Variants in PCDHA3 observed in about 807,000 individuals in gnomAD.
The protein encoded by PCDHA3 is protocadherin alpha-3.
Under a neutral mutation model 62.2 loss-of-function variants are expected in PCDHA3, and 41 were observed. That is an observed-to-expected ratio of 0.66 (90% CI 0.51 to 0.86). The LOEUF is 0.86. PCDHA3 is among the 40% of genes least tolerant of loss of function. The probability of loss-of-function intolerance (pLI) is 0.00; values close to 1 mark genes in which losing one functional copy is unlikely to be tolerated. For synonymous variants in PCDHA3, 640 were observed against 555.4 expected, an observed-to-expected ratio of 1.15 and a Z score of -2.14; for missense variants, 1,304 against 1,241.2, an observed-to-expected ratio of 1.05 and a Z score of -0.76.
intron 3 of PCDHA3, among the ~76,000 whole-genome samples, chr5:140,988,533 C>G (rs1395075166): frequency 6.6e-6 from 1 of 152,160 alleles, no homozygotes; most frequent in African/African-American, 2.4e-5. Flanking sequence ...CTGGCTCCAT[C>G]CATTCATGAC....
chr5:140,868,806 G>A (rs374832846), intron 1 of PCDHA3: 20 of 357,070 alleles, frequency 5.6e-5, no homozygotes, highest in African/African-American at 2.7e-4. Context: ...AAATAAGCAC[G>A]TTGGAAATAT....
intron 1 of PCDHA3, chr5:140,877,791 C>T: frequency 6.2e-7 from 1 of 1,614,022 alleles, no homozygotes. Flanking sequence ...TGGCCTTCAG[C>T]CCAAGCCTTC....
chr5:140,928,690 A>AT lies in PCDHA3; in HGVS notation c.2395-50258dup, dbSNP rs2085447249. On this transcript the variant is annotated intron_variant, in intron 1 of 3. Transcript: ENST00000522353. ...TTCTAATGCCTGGCTTTCCTACCAC[A>AT]TCTCCCGGGCGTCTGACTCTAGTCT... 6 of 1,614,180 alleles carry AT rather than the reference A, an allele frequency of 3.7e-6. No homozygotes were observed. The African/African-American group carries it at 4.0e-5, about 11-fold the overall frequency.
chr5:140,838,018 T>TACAG (rs1484069937), intron 1 of PCDHA3, among the ~76,000 whole-genome samples: 1 of 151,286 alleles, frequency 6.6e-6, no homozygotes, highest in East Asian at 1.9e-4. Flanking sequence ...AAGAAGTGAT[T>TACAG]ACAGTAGAAA....
intron 1 of PCDHA3, chr5:140,882,642 A>C (rs2153386129): frequency 6.2e-7 from 1 of 1,614,224 alleles, no homozygotes; most frequent in East Asian, 2.2e-5. Flanking sequence ...AAGGTGAGGG[A>C]CATTAACGAC....
intron 1 of PCDHA3, among the ~76,000 whole-genome samples, chr5:140,964,886 T>C (rs529789945): frequency 6.6e-6 from 1 of 152,306 alleles, no homozygotes; most frequent in South Asian, 2.1e-4. Context: ...GCAGCAGTGA[T>C]AGGAGGCTGG....
chr5:140,980,856 G>GT (rs2096908809), intron 2 of PCDHA3, among the ~76,000 whole-genome samples: 1 of 151,886 alleles, frequency 6.6e-6, no homozygotes, highest in Admixed American at 6.6e-5. Context: ...AATCTTTTTC[G>GT]TATGTGTGCT....
At chr5:140,898,511 G>A (rs373963449) in intron 1 of PCDHA3, among the ~76,000 whole-genome samples, 16 of 151,912 alleles carry the variant, frequency 1.1e-4, no homozygotes, top group South Asian at 4.2e-4. Context: ...GATATGCGGC[G>A]TTATTTCTGA....
chr5:140,897,086 T>TA (rs1430532398), intron 1 of PCDHA3, among the ~76,000 whole-genome samples: 12 of 152,178 alleles, frequency 7.9e-5, no homozygotes, highest in Non-Finnish European at 1.6e-4. Flanking sequence ...TTCTATTTTT[T>TA]ATCCTCATTA....
intron 1 of PCDHA3, chr5:140,849,976 T>A: frequency 1.3e-6 from 2 of 1,597,616 alleles, no homozygotes; most frequent in Non-Finnish European, 1.7e-6. Context: ...TCCTACTCGC[T>A]GGTGGAGCGG....
chr5:140,927,697 C>T, intron 1 of PCDHA3: 2 of 1,614,170 alleles, frequency 1.2e-6, no homozygotes, highest in Non-Finnish European at 1.7e-6. Flanking sequence ...TGGGGAAGTC[C>T]AGTACTCCCT....
At chr5:140,881,244 C>T (rs1219638908) in intron 1 of PCDHA3, 9 of 397,012 alleles carry the variant, frequency 2.3e-5, no homozygotes, top group Non-Finnish European at 3.1e-5. Context: ...ATTTAAATGA[C>T]GGCAAGGTTT....
chr5:140,951,220 C>G (rs1554219798), intron 1 of PCDHA3, among the ~76,000 whole-genome samples: 1 of 151,926 alleles, frequency 6.6e-6, no homozygotes, highest in Non-Finnish European at 1.5e-5. Context: ...GGTTTGGATT[C>G]TTGATGGTCT....
chr5:140,998,220 C>G (rs1554256199), intron 3 of PCDHA3, among the ~76,000 whole-genome samples: 1 of 152,106 alleles, frequency 6.6e-6, no homozygotes, highest in African/African-American at 2.4e-5. Context: ...ATAACCACAC[C>G]CAGAAATTTG....
rs187034758 is a variant in PCDHA3 at position 140,897,376 on chromosome 5, C to G, written c.2395-81573C>G. 8.0e-3 allele frequency among the ~76,000 whole-genome samples: 1,079 copies of G among 134,538 alleles called. 8 individuals are homozygous for G. Among genetic ancestry groups the G allele is most frequent in the Non-Finnish European group, 0.013 (863 of 65,384 alleles). 88.3% of individuals were successfully genotyped at this position (134,538 alleles called of 152,430 possible). A position where few individuals can be genotyped will look rare whatever the true frequency, so the allele number is the denominator to read the frequency against. ...TGTCCCCAGAGTGTGATGTTCCCTT[C>G]CCCTTCCTGTGTCCATGTGTTCTCA... On this transcript the variant is annotated intron_variant, in intron 1 of 3. Coordinates refer to ENST00000522353, the MANE Select transcript of PCDHA3 (RefSeq NM_018906.3).
chr5:140,805,396 G>A, intron 1 of PCDHA3: 1 of 1,084,042 alleles, frequency 9.2e-7, no homozygotes, highest in Non-Finnish European at 1.1e-6. Flanking sequence ...GTTTCTGTTT[G>A]ATTCAGAAAT....
At chr5:141,006,390 T>G (rs539931677) in intron 3 of PCDHA3, among the ~76,000 whole-genome samples, 149 of 152,058 alleles carry the variant, frequency 9.8e-4, no homozygotes, top group African/African-American at 3.0e-3. Context: ...TTTTTTCTAT[T>G]TTTTAGTAGA....
chr5:140,883,481 T>C (rs1401240290), intron 1 of PCDHA3: 1 of 1,614,166 alleles, frequency 6.2e-7, no homozygotes, highest in East Asian at 2.2e-5. Flanking sequence ...CAAGAACTAC[T>C]ACTCATTAGT....
chr5:140,884,092 G>A (rs1443036011), intron 1 of PCDHA3: 17 of 1,613,438 alleles, frequency 1.1e-5, no homozygotes, highest in Non-Finnish European at 1.4e-5. Flanking sequence ...CGTGGCTTTC[G>A]TATGAATTGC....
Sources: gnomAD v4.1 joint callset for allele counts (sites outside exome capture counted in the v4.1 genomes callset) on GRCh38, gnomAD v4.1.1 for gene constraint, MANE v1.5 for transcripts, NCBI Gene and HGNC (gene_info 2026-07-23, HGNC 2026-07-21) for gene names.